The following SOD2 variants were observed in gnomAD, a reference collection of about 807,000 sequenced individuals.
SOD2 encodes the protein superoxide dismutase [Mn], mitochondrial.
In SOD2, 11 loss-of-function variants were observed where a neutral mutation model predicts 27.0. The ratio of observed to expected loss-of-function variants is 0.41; its 90% CI spans 0.26 to 0.67. The LOEUF is 0.67. SOD2 is among the 30% of genes least tolerant of loss of function. The probability of loss-of-function intolerance (pLI) is 0.34; values close to 1 mark genes in which losing one functional copy is unlikely to be tolerated. For synonymous variants in SOD2, 105 were observed against 103.0 expected, an observed-to-expected ratio of 1.02 and a Z score of -0.12; for missense variants, 250 against 274.5, an observed-to-expected ratio of 0.91 and a Z score of 0.63.
chr6:159,686,098 T>C (rs1320073566), intron 3 of SOD2, among the ~76,000 whole-genome samples: 1 of 152,144 alleles, frequency 6.6e-6, no homozygotes. Flanking sequence ...TGTAATCCTT[T>C]TATTCTGTAG....
chr6:159,729,830 AGTT>A (rs1778459198), upstream of SOD2, among the ~76,000 whole-genome samples: 1 of 152,146 alleles, frequency 6.6e-6, no homozygotes, highest in Non-Finnish European at 1.5e-5. Context: ...TTCTTACTGA[AGTT>A]GTTTTGGCTG....
intron 1 of SOD2, chr6:159,755,020 T>C: frequency 6.2e-7 from 1 of 1,600,852 alleles, no homozygotes; most frequent in South Asian, 1.1e-5. Flanking sequence ...TGACTCTCCT[T>C]TGCACAGAAC....
chr6:159,736,362 T>TAA, intron 1 of SOD2: 1 of 1,172,010 alleles, frequency 8.5e-7, no homozygotes, highest in Non-Finnish European at 1.2e-6. Flanking sequence ...TTAAGCACTT[T>TAA]AAAAAAAAAT....
chr6:159,736,225 A>T (rs775833826), intron 1 of SOD2: 2 of 1,577,680 alleles, frequency 1.3e-6, no homozygotes, highest in Non-Finnish European at 1.7e-6. Flanking sequence ...AAGAAAATAA[A>T]TTGAACTTGT....
At chr6:159,750,937 T>C (rs1378793844) in intron 1 of SOD2, among the ~76,000 whole-genome samples, 1 of 152,244 alleles carries the variant, frequency 6.6e-6, no homozygotes, top group Non-Finnish European at 1.5e-5. Flanking sequence ...TGTTTTTCTG[T>C]TCTAATTTTG....
At chr6:159,747,044 C>T (rs1261848460), upstream of SOD2, among the ~76,000 whole-genome samples, 4 of 152,144 alleles carry the variant, frequency 2.6e-5, no homozygotes, top group African/African-American at 9.7e-5. Flanking sequence ...GATTTTTGCT[C>T]AGTGAAACAA....
chr6:159,726,954 C>T, intron 1 of SOD2: 5 of 1,287,198 alleles, frequency 3.9e-6, no homozygotes, highest in Non-Finnish European at 5.1e-6. Context: ...CACGGATGAG[C>T]GTCACGAACA....
At chr6:159,754,499 A>G (rs1417576290) in intron 1 of SOD2, among the ~76,000 whole-genome samples, 1 of 152,182 alleles carries the variant, frequency 6.6e-6, no homozygotes, top group African/African-American at 2.4e-5. Context: ...GATCAAAACA[A>G]TTTTAACTTG....
intron 1 of SOD2, among the ~76,000 whole-genome samples, chr6:159,717,570 T>C (rs185046775): frequency 1.3e-5 from 2 of 152,350 alleles, no homozygotes; most frequent in East Asian, 3.9e-4. Context: ...GCTGAAAATA[T>C]TCAAAATCTG....
intron 1 of SOD2, among the ~76,000 whole-genome samples, chr6:159,703,881 A>G (rs1483570123): frequency 2.0e-5 from 3 of 152,246 alleles, no homozygotes; most frequent in Non-Finnish European, 4.4e-5. Flanking sequence ...TCCTAGATGA[A>G]TGTTTCAGTG....
rs1251606494 is a variant in SOD2 at position 159,673,864 on chromosome 6, CAAGAA to C, written c.*8624_*8628del. On this transcript the variant is annotated 3_prime_UTR_variant, in exon 5 of 5. Transcript: ENST00000538183. Reference sequence around the variant, plus strand: ...ATAGACCGCTAGCAAGACTAATAAACAAGAAAAGAGAGAAGAATCAAATAAATGCA... The same window carrying C: ...ATAGACCGCTAGCAAGACTAATAAACAAGAGAGAAGAATCAAATAAATGCA... 1 of 151,654 alleles carries C rather than the reference CAAGAA, an allele frequency of 6.6e-6. No homozygotes were observed. Among genetic ancestry groups the C allele is most frequent in the Non-Finnish European group, 1.5e-5 (1 of 67,884 alleles). The allele number at this position is 151,654 out of a possible 1,614,324, so 9.4% of individuals were successfully genotyped here.
exon 1 of SOD2, chr6:159,761,458 G>A (rs1290129650): frequency 2.2e-6 from 1 of 445,448 alleles, no homozygotes; most frequent in Non-Finnish European, 4.5e-6. Flanking sequence ...AGAAGGCAGG[G>A]GGCTCGCACC....
Position 159,684,888 on chromosome 6 carries a change from A to T in SOD2, c.489T>A (p.Ala163=). The change falls in exon 4 of 5, where the codon GCT becomes GCA. Residue 163 remains alanine (A), a synonymous_variant. Transcript: ENST00000538183. ...NKERGHLQIA[A]CPNQDPLQGT... is the part of the protein sequence containing the mutation. ...CTTGCAGTGGATCCTGATTTGGACA[A>T]GCAGCAATTTGTAAGTGTCCCCGTT... is the stretch of plus-strand genomic sequence containing the variant. 1.9e-6 allele frequency: 3 copies of T among 1,613,080 alleles called. No individual in the cohort carries two copies. The highest frequency in any genetic ancestry group is 2.2e-5 in the South Asian group (2 of 90,878).
At chr6:159,755,769 T>C (rs1440714772) in intron 1 of SOD2, 3 of 749,714 alleles carry the variant, frequency 4.0e-6, no homozygotes, top group Non-Finnish European at 3.4e-6. Context: ...TCTTTTCTTT[T>C]TTTTTTTTTT....
chr6:159,695,550 T>C (rs1487029811), upstream of SOD2, among the ~76,000 whole-genome samples: 1 of 152,108 alleles, frequency 6.6e-6, no homozygotes, highest in East Asian at 1.9e-4. Flanking sequence ...CAGGCTGGAG[T>C]GCAGCGGCGT....
chr6:159,755,000 A>T, intron 1 of SOD2: 1 of 1,563,702 alleles, frequency 6.4e-7, no homozygotes, highest in Non-Finnish European at 8.7e-7. Flanking sequence ...AAACGATATT[A>T]AAGTTGGTCT....
upstream of SOD2, among the ~76,000 whole-genome samples, chr6:159,731,801 T>A (rs1282928778): frequency 2.0e-5 from 3 of 152,210 alleles, no homozygotes; most frequent in African/African-American, 7.2e-5. Flanking sequence ...TTTGCTACTT[T>A]TGTATTTGCA....
upstream of SOD2, among the ~76,000 whole-genome samples, chr6:159,728,394 G>C (rs575633278): frequency 3.3e-5 from 5 of 151,652 alleles, no homozygotes; most frequent in African/African-American, 1.2e-4. Context: ...TCAAGGACTA[G>C]CATAACTGTG....
chr6:159,742,109 T>C (rs747020167), intron 1 of SOD2: 55 of 1,607,042 alleles, frequency 3.4e-5, no homozygotes, highest in Middle Eastern at 3.5e-4. Flanking sequence ...ATGAAGCATA[T>C]GTACAAGCTT....
Sources: gnomAD v4.1 joint callset for allele counts (sites outside exome capture counted in the v4.1 genomes callset) on GRCh38, gnomAD v4.1.1 for gene constraint, MANE v1.5 for transcripts, NCBI Gene and HGNC (gene_info 2026-07-23, HGNC 2026-07-21) for gene names.